Variants in IRGM observed in about 807,000 individuals in gnomAD.
IRGM encodes the protein immunity related GTPase M, also known as immunity-related GTPase family M protein.
For missense variants in IRGM, 288 were observed against 219.9 expected (o/e 1.31, Z -1.96); for synonymous variants, 98 against 80.6 (o/e 1.22, Z -1.16).
intron 1 of IRGM, among the ~76,000 whole-genome samples, chr5:150,875,940 A>G (rs1754356381): frequency 6.6e-6 from 1 of 152,222 alleles, no homozygotes; most frequent in African/African-American, 2.4e-5. Flanking sequence ...TATCCTGTGT[A>G]CAATGCTTCT....
intron 3 of IRGM, among the ~76,000 whole-genome samples, chr5:150,883,196 T>C (rs1458961025): frequency 6.6e-6 from 1 of 152,008 alleles, no homozygotes; most frequent in Non-Finnish European, 1.5e-5. Context: ...TATCAAAATA[T>C]AAGAAATGCA....
At chr5:150,893,429 A>C (rs940124819) in intron 3 of IRGM, among the ~76,000 whole-genome samples, 1 of 152,184 alleles carries the variant, frequency 6.6e-6, no homozygotes, top group African/African-American at 2.4e-5. Flanking sequence ...TCATTTTAGA[A>C]CCAAATTATA....
intron 3 of IRGM, among the ~76,000 whole-genome samples, chr5:150,883,347 C>T (rs191383630): frequency 6.7e-6 from 1 of 149,700 alleles, no homozygotes; most frequent in East Asian, 2.0e-4. Flanking sequence ...CCTCAAGGAA[C>T]TAAAAAGATA....
At chr5:150,892,539 C>A (rs892053261) in intron 3 of IRGM, among the ~76,000 whole-genome samples, 2 of 152,050 alleles carry the variant, frequency 1.3e-5, no homozygotes, top group Non-Finnish European at 2.9e-5. Context: ...CTCTTCCTTT[C>A]CAGGTTGCAA....
intron 1 of IRGM, among the ~76,000 whole-genome samples, chr5:150,862,761 C>T (rs980235262): frequency 2.0e-5 from 3 of 152,066 alleles, no homozygotes; most frequent in Non-Finnish European, 2.9e-5. Flanking sequence ...ACTGGCCCTG[C>T]TAAACTAAGA....
intron 1 of IRGM, among the ~76,000 whole-genome samples, chr5:150,869,037 A>C (rs1415624004): frequency 6.6e-6 from 1 of 152,024 alleles, no homozygotes; most frequent in Non-Finnish European, 1.5e-5. Flanking sequence ...AGAAGTGGTG[A>C]TAGTGGGCAT....
At chr5:150,856,730 A>T (rs556484691) in intron 1 of IRGM, among the ~76,000 whole-genome samples, 5 of 151,550 alleles carry the variant, frequency 3.3e-5, no homozygotes, top group Non-Finnish European at 7.4e-5. Context: ...TCGGCCTCCC[A>T]AAGTGCTAGG....
chr5:150,883,806 A>C (rs1754478571), intron 3 of IRGM, among the ~76,000 whole-genome samples: 1 of 152,030 alleles, frequency 6.6e-6, no homozygotes. Context: ...AATTCTACAA[A>C]GTATGTAAAG....
chr5:150,857,384 A>G (rs1428531324), intron 1 of IRGM, among the ~76,000 whole-genome samples: 2 of 152,308 alleles, frequency 1.3e-5, no homozygotes, highest in African/African-American at 2.4e-5. Context: ...TAGTGCCGCA[A>G]TAAACATACG....
At chr5:150,857,816 T>C (rs1367607376) in intron 1 of IRGM, among the ~76,000 whole-genome samples, 1 of 152,238 alleles carries the variant, frequency 6.6e-6, no homozygotes, top group African/African-American at 2.4e-5. Context: ...TTGTAGATTC[T>C]GGATCTTAGC....
intron 1 of IRGM, among the ~76,000 whole-genome samples, chr5:150,861,089 A>C (rs186661190): frequency 3.9e-5 from 6 of 152,136 alleles, no homozygotes; most frequent in Non-Finnish European, 5.9e-5. Flanking sequence ...GTAGTTCTCT[A>C]TGTGGTGGGA....
intron 1 of IRGM, among the ~76,000 whole-genome samples, chr5:150,856,863 TATTA>T (rs1205623422): frequency 1.0e-4 from 15 of 147,744 alleles, no homozygotes; most frequent in South Asian, 6.3e-4. Flanking sequence ...TATTGTTATT[TATTA>T]ATTATTAATT....
chr5:150,848,549 C>T lies in IRGM; in HGVS notation c.426C>T (p.Tyr142=), dbSNP rs1753922359. The T allele has an allele frequency of 6.4e-7, 1 of 1,551,730 alleles. No homozygotes were observed. Among genetic ancestry groups the T allele is most frequent in the East Asian group, 2.4e-5 (1 of 41,074 alleles). Reference sequence around the variant, plus strand: ...CTGAGGACATGGGAAAGAAGTTCTACATTGTCTGGACCAAGCTAGACATGG... The same window carrying T: ...CTGAGGACATGGGAAAGAAGTTCTATATTGTCTGGACCAAGCTAGACATGG... The part of the protein sequence containing the change: ...KTAEDMGKKF[Y]IVWTKLDMDL... Residue 142 remains tyrosine (Y), a synonymous_variant, in exon 2 of 2, where the codon TAC becomes TAT. Transcript: ENST00000522154.
At chr5:150,863,012 T>A (rs1200664357) in intron 1 of IRGM, among the ~76,000 whole-genome samples, 2 of 151,660 alleles carry the variant, frequency 1.3e-5, no homozygotes, top group African/African-American at 4.9e-5. Context: ...TATGGGGGAG[T>A]TGAGAAGAAA....
At chr5:150,868,614 T>A (rs1028022590) in intron 1 of IRGM, among the ~76,000 whole-genome samples, 9 of 152,204 alleles carry the variant, frequency 5.9e-5, no homozygotes, top group Non-Finnish European at 1.0e-4. Flanking sequence ...GTATGCAAAG[T>A]GTTTCCATTT....
chr5:150,895,264 A>C (rs1375503648), intron 3 of IRGM: 1 of 531,912 alleles, frequency 1.9e-6, no homozygotes, highest in African/African-American at 1.9e-5. Context: ...ACTATTTTCC[A>C]TCATCTTTGC....
At chr5:150,878,129 T>C (rs1754391417) in intron 2 of IRGM, 2 of 418,226 alleles carry the variant, frequency 4.8e-6, no homozygotes, top group Admixed American at 3.3e-5. Flanking sequence ...GAAAAAAAAA[T>C]CTTCACTGAT....
At chr5:150,869,904 T>C (rs1754258910) in intron 1 of IRGM, among the ~76,000 whole-genome samples, 1 of 152,066 alleles carries the variant, frequency 6.6e-6, no homozygotes, top group South Asian at 2.1e-4. Flanking sequence ...CTCATGTTGC[T>C]CTCAATATGG....
intron 1 of IRGM, among the ~76,000 whole-genome samples, chr5:150,861,837 T>G (rs1219662470): frequency 6.6e-6 from 1 of 152,226 alleles, no homozygotes; most frequent in Non-Finnish European, 1.5e-5. Flanking sequence ...CTGTGCAGAT[T>G]GAATTATTTG....
Sources: gnomAD v4.1 joint callset for allele counts (sites outside exome capture counted in the v4.1 genomes callset) on GRCh38, gnomAD v4.1.1 for gene constraint, MANE v1.5 for transcripts, NCBI Gene and HGNC (gene_info 2026-07-23, HGNC 2026-07-21) for gene names.